NANS: variants seen among roughly 807,000 people sequenced by gnomAD.
NANS encodes N-acetylneuraminate synthase, also known as N-acetylneuraminate-9-phosphate synthase.
In NANS, 29 loss-of-function variants were observed where a neutral mutation model predicts 33.3. That is an observed-to-expected ratio of 0.87 (90% confidence interval 0.65 to 1.19). The LOEUF is 1.19. Among genes scored for constraint, NANS ranks in the 50% most tolerant of loss-of-function variants. The probability of loss-of-function intolerance (pLI) is 0.00; values close to 1 mark genes in which losing one functional copy is unlikely to be tolerated. For missense variants in NANS, 394 were observed against 461.1 expected (o/e 0.85, Z 1.33); for synonymous variants, 163 against 177.2 (o/e 0.92, Z 0.64).
In NANS at chr9:98,080,933, T is replaced by C; in HGVS notation, c.721T>C (p.Leu241=). ...GAKVLERHIT[L]DKTWKGSDHS... Reference sequence around the variant, plus strand: ...CAAGGTGTTGGAACGTCACATAACTTTGGACAAGACCTGGAAGGGGAGTGA... The same window carrying C: ...CAAGGTGTTGGAACGTCACATAACTCTGGACAAGACCTGGAAGGGGAGTGA... Residue 241 remains leucine, a synonymous_variant, in exon 5 of 6, where the codon TTG becomes CTG. Transcript: ENST00000210444. The C allele has an allele frequency of 1.2e-6, 2 of 1,614,140 alleles. No homozygotes were observed. The highest frequency in any genetic ancestry group is 1.7e-6 in the Non-Finnish European group (2 of 1,180,024).
chr9:98,063,643 G>A (rs887728410), intron 2 of NANS, among the ~76,000 whole-genome samples: 4 of 152,096 alleles, frequency 2.6e-5, no homozygotes, highest in Non-Finnish European at 1.5e-5. Context: ...CTGGCCTCAA[G>A]TGATCCTCCT....
chr9:98,078,491 C>T (rs935284934), intron 4 of NANS, 144 bp downstream of exon 4: 13 of 1,154,206 alleles, frequency 1.1e-5, no homozygotes, highest in Admixed American at 8.0e-5. Flanking sequence ...AAATCAAATT[C>T]GAGCTAAGCA....
intron 4 of NANS, among the ~76,000 whole-genome samples, chr9:98,080,129 G>A (rs1278080418): frequency 2.0e-5 from 3 of 152,180 alleles, no homozygotes; most frequent in African/African-American, 4.8e-5. Context: ...CAGGAGAATC[G>A]CTTGAACCCA....
At chr9:98,060,592 C>G (rs1365749382) in intron 1 of NANS, among the ~76,000 whole-genome samples, 190 bp from the exon 2 acceptor site, 1 of 152,082 alleles carries the variant, frequency 6.6e-6, no homozygotes, top group Non-Finnish European at 1.5e-5. Flanking sequence ...ATGGCTTGAA[C>G]CCGGGAGGCA....
intron 4 of NANS, among the ~76,000 whole-genome samples, chr9:98,080,031 T>C (rs1322828025): frequency 2.6e-5 from 4 of 152,176 alleles, no homozygotes; most frequent in Non-Finnish European, 2.9e-5. Context: ...CTGGCCAATG[T>C]GGCGAAACCC....
chr9:98,078,784 G>A (rs1040310370), intron 4 of NANS, among the ~76,000 whole-genome samples: 2 of 147,792 alleles, frequency 1.4e-5, no homozygotes, highest in Admixed American at 6.9e-5. Context: ...GCAGTGAGCC[G>A]AGATTGCACC....
intron 4 of NANS, 83 bp from the exon 5 acceptor site, chr9:98,080,733 G>A (rs1829814314): frequency 6.8e-7 from 1 of 1,468,984 alleles, no homozygotes; most frequent in Middle Eastern, 2.6e-4. Flanking sequence ...GCTAAACCGG[G>A]GCTCAACCAG....
chr9:98,079,623 G>A (rs1033495676), intron 4 of NANS, among the ~76,000 whole-genome samples: 4 of 151,846 alleles, frequency 2.6e-5, no homozygotes, highest in Non-Finnish European at 4.4e-5. Flanking sequence ...ATGTAATGTC[G>A]AAAGTAAACA....
At chr9:98,074,198 C>T (rs949138385) in intron 2 of NANS, among the ~76,000 whole-genome samples, 2 of 152,194 alleles carry the variant, frequency 1.3e-5, no homozygotes, top group Non-Finnish European at 2.9e-5. Context: ...TAGTGTTTCT[C>T]CCAAACGAGG....
intron 2 of NANS, among the ~76,000 whole-genome samples, chr9:98,063,345 T>G (rs139649961): frequency 0.02 from 2,996 of 152,158 alleles, 106 homozygotes; most frequent in African/African-American, 0.069. Flanking sequence ...AGGTTCAAGT[T>G]ATTCTCATGG....
chr9:98,057,878 C>T (rs957624803), intron 1 of NANS, among the ~76,000 whole-genome samples: 3 of 147,950 alleles, frequency 2.0e-5, no homozygotes, highest in African/African-American at 7.5e-5. Context: ...GCTCTGTCAC[C>T]CAGGCTGGAG....
chr9:98,066,152 T>C (rs1829141716), intron 2 of NANS, among the ~76,000 whole-genome samples: 1 of 152,214 alleles, frequency 6.6e-6, no homozygotes. Flanking sequence ...TAAGGAGAAA[T>C]GTTATGTGTG....
chr9:98,075,328 T>C (rs1829533414), intron 2 of NANS: 1 of 89,676 alleles, frequency 1.1e-5, no homozygotes, highest in African/African-American at 9.0e-5. Flanking sequence ...AAGAGAAGAG[T>C]TAAAAATAAA....
Position 98,082,988 on chromosome 9 carries a change from C to G in NANS, c.1013C>G (p.Thr338Ser). The G allele has an allele frequency of 1.2e-6, 2 of 1,614,166 alleles. No individual in the cohort carries two copies. The highest frequency in any genetic ancestry group is 1.7e-6 in the Non-Finnish European group (2 of 1,180,020). ...FNLVGKKVLV[T>S]VEEDDTIMEE... is the part of the protein sequence containing the mutation. ...CTAGTGGGCAAGAAGGTCCTGGTCACTGTTGAAGAGGATGACACCATCATG... is the reference window on the plus strand; with the variant it reads ...CTAGTGGGCAAGAAGGTCCTGGTCAGTGTTGAAGAGGATGACACCATCATG... The change falls in exon 6 of 6, where the codon ACT becomes AGT. Residue 338 changes from threonine (T) to serine (S), a missense_variant. Coordinates refer to ENST00000210444, the MANE Select transcript of NANS (RefSeq NM_018946.4).
intron 2 of NANS, among the ~76,000 whole-genome samples, chr9:98,071,821 T>A (rs1199085061): frequency 6.6e-6 from 1 of 152,182 alleles, no homozygotes; most frequent in African/African-American, 2.4e-5. Flanking sequence ...CTTTTCTGCT[T>A]CCGTCCACGT....
chr9:98,078,258 G>C lies in NANS; in HGVS notation c.514G>C (p.Val172Leu). The C allele has an allele frequency of 6.2e-7, 1 of 1,614,084 alleles. No homozygotes were observed. The highest frequency in any genetic ancestry group is 1.3e-5 in the African/African-American group (1 of 75,006). ...CACCATGAAGCAAGTTTATCAGATC[G>C]TGAAGCCCCTCAACCCCAACTTCTG... ...MDTMKQVYQI[V>L]KPLNPNFCFL... The change falls in exon 4 of 6, where the codon GTG becomes CTG. Residue 172 changes from valine to leucine, a missense_variant. Physicochemically the swap from Val to Leu is conservative, Grantham distance 32 (BLOSUM62 1). Coordinates refer to ENST00000210444, the MANE Select transcript of NANS (RefSeq NM_018946.4).
At position 98,082,961 on chromosome 9, in the gene NANS, A is replaced by G; in HGVS notation, c.986A>G (p.Asn329Ser). ...GGCTATCCTCCTGAAGACATCTTTA[A>G]TCTAGTGGGCAAGAAGGTCCTGGTC... ...PKGYPPEDIF[N>S]LVGKKVLVTV... Residue 329 changes from asparagine (N) to serine (S), a missense_variant, in exon 6 of 6, where the codon AAT becomes AGT. By Grantham distance (46) the Asn-to-Ser change is conservative. Transcript: ENST00000210444. 2.5e-6 allele frequency: 4 copies of G among 1,614,206 alleles called. No individual in the cohort carries two copies. Among genetic ancestry groups the G allele is most frequent in the Non-Finnish European group, 3.4e-6 (4 of 1,180,030 alleles).
At chr9:98,071,291 G>T (rs1409627772) in intron 2 of NANS, among the ~76,000 whole-genome samples, 1 of 152,198 alleles carries the variant, frequency 6.6e-6, no homozygotes, top group Non-Finnish European at 1.5e-5. Context: ...CAGCTCTGTG[G>T]TACACACCCT....
chr9:98,061,956 T>C (rs1241326052), intron 2 of NANS, among the ~76,000 whole-genome samples: 2 of 151,678 alleles, frequency 1.3e-5, no homozygotes, highest in African/African-American at 4.8e-5. Context: ...GTGTGGTGGC[T>C]CACACCTGTA....
Sources: gnomAD v4.1 joint callset for allele counts (sites outside exome capture counted in the v4.1 genomes callset) on GRCh38, gnomAD v4.1.1 for gene constraint, MANE v1.5 for transcripts, NCBI Gene and HGNC (gene_info 2026-07-23, HGNC 2026-07-21) for gene names.